The following SYNM variants were observed in gnomAD, a reference collection of about 807,000 sequenced individuals.
SYNM encodes synemin.
A neutral mutation model predicts 104.0 loss-of-function variants in SYNM; 95 were observed. That is an observed-to-expected ratio of 0.91 (90% CI 0.77 to 1.08). SYNM has a LOEUF of 1.08. Among genes scored for constraint, SYNM ranks in the 50% least tolerant of loss-of-function variants. SYNM has a pLI of 0.00. For missense variants in SYNM, 2,150 were observed against 2,052.2 expected, an observed-to-expected ratio of 1.05 and a Z score of -0.92; for synonymous variants, 918 against 869.0, an observed-to-expected ratio of 1.06 and a Z score of -0.99.
rs1596139782 is a variant in SYNM, at chr15:99,133,553, CTGTTTA to C, written c.*500_*505del. 1 of 159,212 alleles carries C rather than the reference CTGTTTA, an allele frequency of 6.3e-6. No individual in the cohort carries two copies. The highest frequency in any genetic ancestry group is 1.4e-5 in the Non-Finnish European group (1 of 71,710). 9.9% of individuals were successfully genotyped at this position (159,212 alleles called of 1,614,324 possible). Reference sequence around the variant, plus strand: ...CAAAAAGAAATGGGAAATAGGCAGACTGTTTATGTTAAAAAAATTCTTGCTAAATGA... The same window carrying C: ...CAAAAAGAAATGGGAAATAGGCAGACTGTTAAAAAAATTCTTGCTAAATGA... On this transcript the variant is annotated 3_prime_UTR_variant, in exon 4 of 4. Transcript: ENST00000336292.
chr15:99,129,855 A>C lies in SYNM; in HGVS notation c.1495A>C (p.Lys499Gln), dbSNP rs782264224. ...SNERTVILGK[K>Q]TEVKATREQE... ...TGAGAGGACCGTCATTCTGGGAAAG[A>C]AAACAGAAGTGAAAGCCACGAGGGA... is the stretch of plus-strand genomic sequence containing the variant. The change falls in exon 4 of 4, where the codon AAA becomes CAA. Residue 499 changes from lysine (K) to glutamine (Q), a missense_variant. Coordinates refer to ENST00000336292, the MANE Select transcript of SYNM (RefSeq NM_145728.3). 6.2e-7 allele frequency: 1 copy of C among 1,613,622 alleles called. No individual in the cohort carries two copies. Among genetic ancestry groups the C allele is most frequent in the African/African-American group, 1.3e-5 (1 of 74,914 alleles).
intron 2 of SYNM, among the ~76,000 whole-genome samples, chr15:99,124,396 C>T (rs1015276563): frequency 3.3e-5 from 5 of 152,282 alleles, no homozygotes; most frequent in Non-Finnish European, 4.4e-5. Context: ...ACTCAATGGC[C>T]AGTGCCCAGC....
chr15:99,113,320 C>T (rs2067316903), intron 1 of SYNM, among the ~76,000 whole-genome samples: 1 of 152,214 alleles, frequency 6.6e-6, no homozygotes. Context: ...TTTGAATAAA[C>T]TCCTAAGCAT....
Position 99,105,503 on chromosome 15 carries a change from G to T in SYNM, c.304G>T (p.Glu102Ter). 2 of 1,290,506 alleles carry T rather than the reference G, an allele frequency of 1.5e-6. No individual in the cohort carries two copies. Among genetic ancestry groups the T allele is most frequent in the Non-Finnish European group, 2.0e-6 (2 of 1,022,970 alleles). 79.9% of individuals were successfully genotyped at this position (1,290,506 alleles called of 1,614,324 possible). The change falls in exon 1 of 4, where the codon GAG (glutamate) becomes TAG (stop). Residue 102 changes from glutamate (E) to a stop codon, truncating the protein, a stop_gained. Coordinates refer to ENST00000336292, the MANE Select transcript of SYNM (RefSeq NM_145728.3). LOFTEE classifies it high-confidence loss of function. ...GGAGCTGCAGCGCCTGGATGCGGAGGAGCGCGCCGCCCGCGGCCGCCTGGA... is the reference window on the plus strand; with the variant it reads ...GGAGCTGCAGCGCCTGGATGCGGAGTAGCGCGCCGCCCGCGGCCGCCTGGA... ...LRELQRLDAE[E>*]RAARGRLDAE...
intron 2 of SYNM, among the ~76,000 whole-genome samples, chr15:99,121,280 G>C (rs1055324545): frequency 6.6e-6 from 1 of 152,074 alleles, no homozygotes; most frequent in Non-Finnish European, 1.5e-5. Context: ...TGTGGAGGGG[G>C]TAGGCAGTGC....
rs146157575 is a variant in SYNM at position 99,115,860 on chromosome 15, T to A, written c.935+2145T>A. Among the ~76,000 whole-genome samples the A allele has an allele frequency of 3.8e-4, 58 of 152,374 alleles. 1 individual carries two copies. The East Asian group carries it at 9.6e-3, about 25-fold the overall frequency. ...GCTGATACGTTGCTTGTAGTTTACA[T>A]TGCAGCCTGGGCCGGCCTCACTGTC... On this transcript the variant is annotated intron_variant, in intron 2 of 3. Coordinates refer to ENST00000336292, the MANE Select transcript of SYNM (RefSeq NM_145728.3).
At position 99,132,431 on chromosome 15, in the gene SYNM, T is replaced by C. The variant is rs1555486119; in HGVS notation, c.4071T>C (p.Ser1357=). 1 of 1,613,918 alleles carries C rather than the reference T, an allele frequency of 6.2e-7. No homozygotes were observed. Among genetic ancestry groups the C allele is most frequent in the South Asian group, 1.1e-5 (1 of 91,068 alleles). ...GSADVHQATH[S]HTSGRQTVMT... ...CAGATGTGCACCAGGCCACTCACAG[T>C]CATACCTCGGGTAGACAAACCGTTA... Residue 1357 remains serine (S), a synonymous_variant, in exon 4 of 4, where the codon AGT becomes AGC. Transcript: ENST00000336292.
intron 2 of SYNM, among the ~76,000 whole-genome samples, chr15:99,121,707 G>T (rs76819907): frequency 6.6e-6 from 1 of 152,158 alleles, no homozygotes. Context: ...CACACACTCA[G>T]CATAGAGCCC....
downstream of SYNM, chr15:99,137,833 T>G (rs556181420): frequency 2.1e-6 from 2 of 968,500 alleles, no homozygotes; most frequent in South Asian, 3.6e-5. Flanking sequence ...GGGCATCCAC[T>G]GTCAAAATGT....
At position 99,117,848 on chromosome 15, in the gene SYNM, G is replaced by A. The variant is rs533989348; in HGVS notation, c.935+4133G>A. On this transcript the variant is annotated intron_variant, in intron 2 of 3. Transcript: ENST00000336292. The stretch of plus-strand genomic sequence containing the variant: ...CGCGAGCCGTTTCTGCTCACTGTCA[G>A]CAGTCTGTCAGCCAGGACAGAGTTT... Among the ~76,000 whole-genome samples, 342 of 151,968 alleles carry A rather than the reference G, an allele frequency of 2.3e-3. 3 individuals carry two copies. Among genetic ancestry groups the A allele is most frequent in the Non-Finnish European group, 3.3e-3 (227 of 68,036 alleles).
intron 2 of SYNM, among the ~76,000 whole-genome samples, chr15:99,122,257 C>T (rs782115940): frequency 6.6e-6 from 1 of 152,182 alleles, no homozygotes; most frequent in African/African-American, 2.4e-5. Context: ...TCTCTGGTCT[C>T]CATGTAGACT....
At position 99,130,394 on chromosome 15, in the gene SYNM, G is replaced by T; in HGVS notation, c.2034G>T (p.Gly678=). ...VTYVDRKELP[G]ERKTKTEIVV... is the part of the protein sequence containing the mutation. ...ACGTGGACAGGAAAGAGCTTCCTGG[G>T]GAAAGGAAAACAAAGACTGAAATAG... The change falls in exon 4 of 4, where the codon GGG becomes GGT. Residue 678 remains glycine (G), a synonymous_variant. Coordinates refer to ENST00000336292, the MANE Select transcript of SYNM (RefSeq NM_145728.3). The T allele has an allele frequency of 1.2e-6, 2 of 1,613,660 alleles. No individual in the cohort carries two copies. Among genetic ancestry groups the T allele is most frequent in the Non-Finnish European group, 1.7e-6 (2 of 1,179,778 alleles).
downstream of SYNM, chr15:99,138,174 C>G (rs782733386): frequency 6.2e-7 from 1 of 1,601,962 alleles, no homozygotes. Flanking sequence ...CCTCAGCCCC[C>G]CACACCGTTC....
Position 99,133,150 on chromosome 15 carries a change from T to C in SYNM, c.*92T>C. The stretch of plus-strand genomic sequence containing the variant: ...TATTTTAAGAGGCCGAGGGAGTCTA[T>C]GAAAATCTCCCCTTTTTTACTTTTT... On this transcript the variant is annotated 3_prime_UTR_variant, in exon 4 of 4. Transcript: ENST00000336292. 2.6e-6 allele frequency: 4 copies of C among 1,534,848 alleles called. No individual in the cohort carries two copies. Among genetic ancestry groups the C allele is most frequent in the Non-Finnish European group, 2.6e-6 (3 of 1,150,424 alleles).
intron 2 of SYNM, among the ~76,000 whole-genome samples, chr15:99,115,616 C>T (rs1324347377): frequency 1.3e-5 from 2 of 151,962 alleles, no homozygotes. Context: ...CCCCTGCCAC[C>T]ATTCCTGGCT....
At chr15:99,141,387 TAAG>T in the SYNM span, among the ~76,000 whole-genome samples, 8 of 152,030 alleles carry the variant, frequency 5.3e-5, no homozygotes, top group East Asian at 1.9e-4. Flanking sequence ...CATAGTAAAA[TAAG>T]AAGAGCATGG....
chr15:99,120,800 C>T (rs74854067), intron 2 of SYNM, among the ~76,000 whole-genome samples: 2,736 of 152,038 alleles, frequency 0.018, 84 homozygotes, highest in African/African-American at 0.062. Context: ...TCTTGAAAGA[C>T]GGGGAAGTGT....
chr15:99,138,903 C>A (rs942136110), downstream of SYNM, among the ~76,000 whole-genome samples: 3 of 152,306 alleles, frequency 2.0e-5, no homozygotes, highest in East Asian at 5.8e-4. Context: ...GGCCTCTGCT[C>A]GGGCTGAGAA....
At chr15:99,141,643 A>T in the SYNM span, among the ~76,000 whole-genome samples, 1 of 152,202 alleles carries the variant, frequency 6.6e-6, no homozygotes, top group Non-Finnish European at 1.5e-5. Context: ...TTACTACTGA[A>T]GCCTGTTTAT....
Sources: gnomAD v4.1 joint callset for allele counts (sites outside exome capture counted in the v4.1 genomes callset) on GRCh38, gnomAD v4.1.1 for gene constraint, MANE v1.5 for transcripts, NCBI Gene and HGNC (gene_info 2026-07-23, HGNC 2026-07-21) for gene names.